TENM3: variants seen among roughly 807,000 people sequenced by gnomAD.
TENM3 encodes teneurin-3.
In TENM3, 63 loss-of-function variants were observed where a neutral mutation model predicts 255.1. The observed-to-expected ratio is 0.25, with a 90% CI of 0.20 to 0.30. TENM3 has a LOEUF of 0.30. Ranked by LOEUF, TENM3 falls within the 10% of genes least tolerant of loss-of-function variation. The pLI is 1.00. For synonymous variants in TENM3, 1,306 were observed against 1,322.3 expected, an observed-to-expected ratio of 0.99 and a Z score of 0.27; for missense variants, 2,929 against 3,461.1, an observed-to-expected ratio of 0.85 and a Z score of 3.86.
chr4:181,888,112 C>A, the TENM3 span, among the ~76,000 whole-genome samples: 1 of 152,064 alleles, frequency 6.6e-6, no homozygotes, highest in African/African-American at 2.4e-5. Context: ...TCACTGCAAC[C>A]TCTGCCTCCC....
At chr4:182,668,789 G>A (rs1450572596) in intron 6 of TENM3, among the ~76,000 whole-genome samples, 3 of 152,128 alleles carry the variant, frequency 2.0e-5, no homozygotes, top group African/African-American at 7.2e-5. Context: ...TTGACATAGT[G>A]AAACCGGAAA....
the TENM3 span, among the ~76,000 whole-genome samples, chr4:181,862,818 T>C: frequency 6.6e-6 from 1 of 152,282 alleles, no homozygotes; most frequent in Non-Finnish European, 1.5e-5. Context: ...TCCCAGGGAA[T>C]AAAACATATG....
intron 3 of TENM3, among the ~76,000 whole-genome samples, chr4:182,389,370 G>C (rs1368714641): frequency 9.0e-6 from 1 of 111,572 alleles, no homozygotes; most frequent in Admixed American, 1.1e-4. Flanking sequence ...AGCCAATTTG[G>C]GTTTGGTAGA....
chr4:181,467,419 G>A, the TENM3 span, among the ~76,000 whole-genome samples: 1 of 151,476 alleles, frequency 6.6e-6, no homozygotes, highest in East Asian at 1.9e-4. Context: ...ACAGATGTGA[G>A]CCACCGCACC....
chr4:182,425,382 T>C (rs1202899863), intron 3 of TENM3, among the ~76,000 whole-genome samples: 2 of 152,224 alleles, frequency 1.3e-5, no homozygotes, highest in East Asian at 3.9e-4. Flanking sequence ...TAACTCATAT[T>C]AACCTCCTCT....
intron 2 of TENM3, among the ~76,000 whole-genome samples, chr4:182,325,010 C>T (rs563589424): frequency 3.3e-5 from 5 of 152,118 alleles, no homozygotes; most frequent in Non-Finnish European, 5.9e-5. Context: ...ATTAGACATA[C>T]ATAGTTATAT....
chr4:182,624,016 TCTCTGTCTGAGATGTAAGGCACAGGTTTC>T lies in TENM3; in HGVS notation c.750-4629_750-4601del, dbSNP rs555173430. On this transcript the variant is annotated intron_variant, in intron 4 of 27. Transcript: ENST00000511685. ...TTTGAGATCCTGTTATCACCTCCGTTCTCTGTCTGAGATGTAAGGCACAGGTTTCCTCTGCTCTCAGGCCCCTTGGATAT... is the reference window on the plus strand; with the variant it reads ...TTTGAGATCCTGTTATCACCTCCGTTCTCTGCTCTCAGGCCCCTTGGATAT... 7.3e-3 allele frequency among the ~76,000 whole-genome samples: 1,117 copies of T among 152,302 alleles called. 13 individuals are homozygous for T. Among genetic ancestry groups the T allele is most frequent in the Middle Eastern group, 0.024 (7 of 294 alleles).
At chr4:182,612,037 G>T (rs1173741292) in intron 4 of TENM3, among the ~76,000 whole-genome samples, 1 of 152,038 alleles carries the variant, frequency 6.6e-6, no homozygotes, top group African/African-American at 2.4e-5. Context: ...GGAGGTCAAG[G>T]TGGGCAGATC....
intron 3 of TENM3, among the ~76,000 whole-genome samples, chr4:182,524,502 G>A (rs1280457078): frequency 6.6e-6 from 1 of 151,570 alleles, no homozygotes; most frequent in Admixed American, 6.6e-5. Context: ...GTGGCTACAG[G>A]TGTGCACCAC....
chr4:182,151,421 T>G (rs992048911), intron 1 of TENM3, among the ~76,000 whole-genome samples: 3 of 152,112 alleles, frequency 2.0e-5, no homozygotes, highest in Non-Finnish European at 4.4e-5. Flanking sequence ...TTCTAATACT[T>G]TTTATCAGAG....
chr4:181,605,579 A>AG, the TENM3 span, among the ~76,000 whole-genome samples: 7 of 30,990 alleles, frequency 2.3e-4, 1 homozygote, highest in East Asian at 3.5e-3. Flanking sequence ...AGAGAGAGAA[A>AG]GAAAGGAAAG....
chr4:182,151,750 T>TATTTAA lies in TENM3; in HGVS notation c.-76+6996_-76+6997insATTTAA, dbSNP rs1373134459. Among the ~76,000 whole-genome samples, 10 of 152,160 alleles carry TATTTAA rather than the reference T, an allele frequency of 6.6e-5. No individual in the cohort carries two copies. In the East Asian group the frequency reaches 1.9e-3, roughly 29 times the overall value. ...ATTTTTCTCTATTTATAAGCAAAAA[T>TATTTAA]GAAATGAATATTTAAAACTTTAAAA... On this transcript the variant is annotated intron_variant, in intron 1 of 2. Transcript: ENST00000512480.
chr4:182,258,989 T>A (rs1758612285), intron 1 of TENM3, among the ~76,000 whole-genome samples: 1 of 152,248 alleles, frequency 6.6e-6, no homozygotes, highest in Non-Finnish European at 1.5e-5. Flanking sequence ...TTTTGGAGAA[T>A]AACAAATATA....
At chr4:181,792,931 T>C in the TENM3 span, among the ~76,000 whole-genome samples, 1 of 152,048 alleles carries the variant, frequency 6.6e-6, no homozygotes, top group Non-Finnish European at 1.5e-5. Context: ...AGCAAATCTC[T>C]TTCAAGGTCA....
At chr4:182,766,407 C>CAT (rs1176997573) in intron 22 of TENM3, among the ~76,000 whole-genome samples, 1 of 152,042 alleles carries the variant, frequency 6.6e-6, no homozygotes, top group East Asian at 1.9e-4. Flanking sequence ...CTGTCTTAAA[C>CAT]ATGATTCTTC....
chr4:182,498,068 T>G (rs1052843521), intron 3 of TENM3, among the ~76,000 whole-genome samples: 3 of 152,114 alleles, frequency 2.0e-5, no homozygotes, highest in African/African-American at 7.2e-5. Context: ...ATGCTTTTCC[T>G]ATTCAAAATT....
chr4:181,861,063 G>A, the TENM3 span, among the ~76,000 whole-genome samples: 1 of 152,176 alleles, frequency 6.6e-6, no homozygotes, highest in African/African-American at 2.4e-5. Flanking sequence ...TCATCCAGCG[G>A]TATCTTTCTT....
the TENM3 span, among the ~76,000 whole-genome samples, chr4:182,044,997 TC>T: frequency 6.6e-6 from 1 of 152,214 alleles, no homozygotes; most frequent in Admixed American, 6.5e-5. Flanking sequence ...TACAAGTATC[TC>T]TATGTTTGTT....
At chr4:181,898,589 C>A in the TENM3 span, among the ~76,000 whole-genome samples, 4 of 152,096 alleles carry the variant, frequency 2.6e-5, no homozygotes, top group East Asian at 3.9e-4. Flanking sequence ...AACTTGAACT[C>A]CCCCCAACTC....
Sources: allele counts gnomAD v4.1 joint callset (sites outside exome capture counted in the v4.1 genomes callset), GRCh38; gene constraint gnomAD v4.1.1; transcripts MANE v1.5; gene names NCBI Gene and HGNC (gene_info 2026-07-23, HGNC 2026-07-21).